ALPK3: variants seen among roughly 807,000 people sequenced by gnomAD.
ALPK3 encodes alpha-protein kinase 3.
A neutral mutation model predicts 140.0 loss-of-function variants in ALPK3; 102 were observed. The observed-to-expected ratio is 0.73, with a 90% CI of 0.62 to 0.86. The LOEUF (loss-of-function observed/expected upper bound fraction) is 0.86. Among genes scored for constraint, ALPK3 ranks in the 40% least tolerant of loss-of-function variants. The pLI is 0.00. For synonymous variants in ALPK3, 938 were observed against 898.5 expected (o/e 1.04, Z -0.79); for missense variants, 2,254 against 2,208.2 (o/e 1.02, Z -0.42).
chr15:84,840,943 G>A lies in ALPK3; in HGVS notation c.1653+11G>A. 6.5e-7 allele frequency: 1 copy of A among 1,547,876 alleles called. No individual in the cohort carries two copies. The highest frequency in any genetic ancestry group is 8.7e-7 in the Non-Finnish European group (1 of 1,149,132). On this transcript the variant is annotated intron_variant, in intron 5 of 13. Transcript: ENST00000258888. ...AGGACTCCAGGAGAGGTAAGTGTGG[G>A]TGTTGGGTGCCTGGAGGCCGCTCTG... is the stretch of plus-strand genomic sequence containing the variant.
At position 84,858,506 on chromosome 15, in the gene ALPK3, C is replaced by T; in HGVS notation, c.3768C>T (p.Gly1256=). The part of the protein sequence containing the change: ...GLDTEVALDE[G]KQETLAKPRK... ...ACACAGAGGTGGCCCTGGATGAAGG[C>T]AAGCAGGAGACACTGGCCAAGCCCA... Residue 1256 remains glycine, a synonymous_variant, in exon 6 of 14, where the codon GGC becomes GGT. Transcript: ENST00000258888. The T allele has an allele frequency of 6.3e-7, 1 of 1,585,304 alleles. No individual in the cohort carries two copies. The highest frequency in any genetic ancestry group is 8.5e-7 in the Non-Finnish European group (1 of 1,172,472).
chr15:84,857,361 C>A lies in ALPK3; in HGVS notation c.2623C>A (p.Leu875Met), dbSNP rs1236214137. 6.2e-7 allele frequency: 1 copy of A among 1,614,140 alleles called. No homozygotes were observed. The highest frequency in any genetic ancestry group is 1.1e-5 in the South Asian group (1 of 91,088). ...PTMPSLPGTG[L>M]TASPKAGPCS... The stretch of plus-strand genomic sequence containing the variant: ...GATGCCTTCTCTTCCTGGAACTGGG[C>A]TGACAGCTAGCCCAAAGGCGGGGCC... The change falls in exon 6 of 14, where the codon CTG (leucine) becomes ATG (methionine). Residue 875 changes from leucine (L) to methionine (M), a missense_variant. Coordinates refer to ENST00000258888, the MANE Select transcript of ALPK3 (RefSeq NM_020778.5).
rs1205542450 is a variant in ALPK3, at chr15:84,859,291, C to G, written c.3866C>G (p.Ser1289Cys). The G allele has an allele frequency of 3.7e-6, 6 of 1,614,168 alleles. No homozygotes were observed. The highest frequency in any genetic ancestry group is 5.1e-6 in the Non-Finnish European group (6 of 1,180,010). ...CGGGTGGAGCAGTTTCCTGATGCCT[C>G]CGGTAGCCTGAAGCTGTGGTGCCAG... is the stretch of plus-strand genomic sequence containing the variant. The part of the protein sequence containing the change: ...KIRVEQFPDA[S>C]GSLKLWCQFF... Residue 1289 changes from serine to cysteine, a missense_variant, in exon 7 of 14, where the codon TCC (serine) becomes TGC (cysteine). Ser to Cys is a moderately radical substitution (Grantham distance 112, BLOSUM62 -1). Coordinates refer to ENST00000258888, the MANE Select transcript of ALPK3 (RefSeq NM_020778.5).
chr15:84,839,024 C>T lies in ALPK3; in HGVS notation c.349C>T (p.Leu117=). The change falls in exon 4 of 14, where the codon CTG becomes TTG. Residue 117 remains leucine, a synonymous_variant. Coordinates refer to ENST00000258888, the MANE Select transcript of ALPK3 (RefSeq NM_020778.5). ...GACCTGGTACAAGGATGATACGGAG[C>T]TGGACCGCTACTGTGGCTTGCCAAA... ...EVTWYKDDTE[L]DRYCGLPKYE... 5.6e-6 allele frequency: 9 copies of T among 1,614,058 alleles called. No homozygotes were observed. The highest frequency in any genetic ancestry group is 7.6e-6 in the Non-Finnish European group (9 of 1,179,956).
intron 3 of ALPK3, among the ~76,000 whole-genome samples, chr15:84,831,995 T>C (rs1170888020): frequency 6.6e-6 from 1 of 152,240 alleles, no homozygotes; most frequent in Non-Finnish European, 1.5e-5. Context: ...TTTCATAGAA[T>C]AGTCATGCCC....
chr15:84,864,359 G>C, intron 11 of ALPK3, 83 bp from the exon 12 acceptor site: 2 of 1,398,894 alleles, frequency 1.4e-6, no homozygotes, highest in Non-Finnish European at 2.0e-6. Context: ...CCTTCTTTTA[G>C]GTCCAAGAAT....
At position 84,858,028 on chromosome 15, in the gene ALPK3, C is replaced by T. The variant is rs306197; in HGVS notation, c.3290C>T (p.Pro1097Leu). 0.75 allele frequency: 1,183,490 copies of T among 1,575,522 alleles called. 445,458 individuals are homozygous for T. The highest frequency in any genetic ancestry group is 0.87 in the African/African-American group (64,159 of 73,768). ...AGTGAGGGTGAAGGAGAGGTTTCCC[C>T]TGAGGGGCCTGGCCTCCTGGGGGCC... ...GASEGEGEVS[P>L]EGPGLLGASQ... The change falls in exon 6 of 14, where the codon CCT becomes CTT. Residue 1097 changes from proline to leucine, a missense_variant. Physicochemically the swap from Pro to Leu is moderately conservative, Grantham distance 98. Coordinates refer to ENST00000258888, the MANE Select transcript of ALPK3 (RefSeq NM_020778.5).
chr15:84,833,764 A>G (rs1963568589), intron 3 of ALPK3, among the ~76,000 whole-genome samples: 1 of 152,254 alleles, frequency 6.6e-6, no homozygotes. Context: ...GGGGTCACAG[A>G]GAAGACAGGC....
At position 84,869,509 on chromosome 15, in the gene ALPK3, G is replaced by T. The variant is rs1175328681; in HGVS notation, c.*1053G>T. ...GGGAGTACACTTGGGTGTTCTAGGA[G>T]GGATGCAGTCTATCCATGCACTTGG... On this transcript the variant is annotated 3_prime_UTR_variant, in exon 14 of 14. Transcript: ENST00000258888. 1 of 152,220 alleles carries T rather than the reference G, an allele frequency of 6.6e-6. No homozygotes were observed. Among genetic ancestry groups the T allele is most frequent in the Admixed American group, 6.5e-5 (1 of 15,288 alleles). 9.4% of individuals were successfully genotyped at this position (152,220 alleles called of 1,614,324 possible). A position where few individuals can be genotyped will look rare whatever the true frequency, so the allele number is the denominator to read the frequency against.
At position 84,839,627 on chromosome 15, in the gene ALPK3, C is replaced by A; in HGVS notation, c.423-75C>A. The A allele has an allele frequency of 2.7e-6, 4 of 1,495,330 alleles. No homozygotes were observed. The South Asian group carries it at 3.9e-5, about 15-fold the overall frequency. 92.6% of individuals were successfully genotyped at this position (1,495,330 alleles called of 1,614,324 possible). On this transcript the variant is annotated intron_variant, in intron 4 of 13. Transcript: ENST00000258888. ...AGGGGGAAGTGTGCCCGGCTCTGAA[C>A]GGCTCTGGCTGGGGGGTGTGGGGGC...
chr15:84,838,988 G>A lies in ALPK3; in HGVS notation c.313G>A (p.Glu105Lys), dbSNP rs768099555. The A allele has an allele frequency of 6.2e-7, 1 of 1,614,058 alleles. No homozygotes were observed. Among genetic ancestry groups the A allele is most frequent in the East Asian group, 2.2e-5 (1 of 44,872 alleles). ...RFTCIVTGYP[E>K]PEVTWYKDDT... is the part of the protein sequence containing the mutation. ...TCCTGCTTCTTTCTCAGGATACCCA[G>A]AGCCAGAGGTGACCTGGTACAAGGA... Residue 105 changes from glutamate to lysine, a missense_variant, in exon 4 of 14, where the codon GAG becomes AAG. Physicochemically the swap from Glu to Lys is moderately conservative, Grantham distance 56 (BLOSUM62 1). This residue lies in a region of ALPK3 where 2,088 missense variants were observed against 2,022.9 expected (regional missense o/e 1.03). Transcript: ENST00000258888.
At chr15:84,823,291 T>C (rs779491072) in intron 1 of ALPK3, 39 bp from the exon 2 acceptor site, 1 of 1,611,764 alleles carries the variant, frequency 6.2e-7, no homozygotes, top group East Asian at 2.2e-5. Context: ...TCCTTCTTGC[T>C]TTTTTGGCCT....
Position 84,862,904 on chromosome 15 carries a change from G to A in ALPK3, c.4399G>A (p.Val1467Ile), listed in dbSNP as rs538711539. Residue 1467 changes from valine (V) to isoleucine (I), a missense_variant, in exon 10 of 14, where the codon GTC (valine) becomes ATC (isoleucine). By Grantham distance (29) the Val-to-Ile change is conservative (BLOSUM62 3). Transcript: ENST00000258888. ...TTCTCTTGTGGGCAGAAACTACGAC[G>A]TCACCATCCAGGTACTATGTCCCAT... ...ETSLVGRNYD[V>I]TIQGCKIQNM... The A allele has an allele frequency of 2.4e-5, 38 of 1,613,550 alleles. No individual in the cohort carries two copies. In the South Asian group the frequency reaches 2.9e-4, roughly 12 times the overall value.
rs1963961621 is a variant in ALPK3 at position 84,862,732 on chromosome 15, G to A, written c.4227G>A (p.Glu1409=). ...AGCTCTTTGGGCGACTGGTAAGCGA[G>A]GAGCTCCGAGGGGGTGGATATGGGT... ...GDKLFGRLVS[E]ELRGGGYGCG... is the part of the protein sequence containing the mutation. The change falls in exon 10 of 14, where the codon GAG becomes GAA. Residue 1409 remains glutamate, a synonymous_variant. Coordinates refer to ENST00000258888, the MANE Select transcript of ALPK3 (RefSeq NM_020778.5). 6.2e-7 allele frequency: 1 copy of A among 1,614,190 alleles called. No individual in the cohort carries two copies.
Position 84,817,360 on chromosome 15 carries a change from G to A in ALPK3, c.-93G>A. 8.1e-7 allele frequency: 1 copy of A among 1,229,456 alleles called. No homozygotes were observed. Among genetic ancestry groups the A allele is most frequent in the Non-Finnish European group, 1.0e-6 (1 of 987,734 alleles). 76.2% of individuals were successfully genotyped at this position (1,229,456 alleles called of 1,614,324 possible). A position where few individuals can be genotyped will look rare whatever the true frequency, so the allele number is the denominator to read the frequency against. ...GGGCGCGCGTCAGCCGCGGGCGGGA[G>A]CGGCGGCGGCGGGCAGGGGCCCGGG... is the stretch of plus-strand genomic sequence containing the variant. On this transcript the variant is annotated 5_prime_UTR_variant, in exon 1 of 14. Coordinates refer to ENST00000258888, the MANE Select transcript of ALPK3 (RefSeq NM_020778.5).
chr15:84,863,423 T>G, intron 10 of ALPK3, 129 bp from the exon 11 acceptor site: 1 of 746,600 alleles, frequency 1.3e-6, no homozygotes, highest in South Asian at 1.9e-5. Context: ...GAGTAAGCCC[T>G]TCCTCCCCCA....
intron 5 of ALPK3, among the ~76,000 whole-genome samples, chr15:84,843,899 A>G (rs1457691122): frequency 6.6e-6 from 1 of 152,186 alleles, no homozygotes; most frequent in Non-Finnish European, 1.5e-5. Context: ...GTTCAAGACC[A>G]GCCTGGCCAA....
chr15:84,825,397 G>C (rs1338284574), intron 2 of ALPK3, among the ~76,000 whole-genome samples: 1 of 151,982 alleles, frequency 6.6e-6, no homozygotes, highest in Non-Finnish European at 1.5e-5. Flanking sequence ...GGCTGGTCTC[G>C]ATCTCTTGAC....
At position 84,868,419 on chromosome 15, in the gene ALPK3, C is replaced by A. The variant is rs2141576408; in HGVS notation, c.5081C>A (p.Thr1694Asn). The A allele has an allele frequency of 6.2e-7, 1 of 1,611,790 alleles. No homozygotes were observed. Among genetic ancestry groups the A allele is most frequent in the East Asian group, 2.2e-5 (1 of 44,874 alleles). Reference sequence around the variant, plus strand: ...ACTCAGTTGTTGGGACAGCCTCCCACCCAAGAGGAGGGCTCCAAGGCCCAG... The same window carrying A: ...ACTCAGTTGTTGGGACAGCCTCCCAACCAAGAGGAGGGCTCCAAGGCCCAG... Reference protein sequence around the residue: ...VTTQLLGQPPTQEEGSKAQGM... With the variant: ...VTTQLLGQPPNQEEGSKAQGM... The change falls in exon 14 of 14, where the codon ACC becomes AAC. Residue 1694 changes from threonine to asparagine, a missense_variant. Physicochemically the swap from Thr to Asn is moderately conservative, Grantham distance 65. Transcript: ENST00000258888.
Sources: allele counts gnomAD v4.1 joint callset (sites outside exome capture counted in the v4.1 genomes callset), GRCh38; gene constraint gnomAD v4.1.1; regional missense constraint gnomAD v4.1.1; transcripts MANE v1.5; gene names NCBI Gene and HGNC (gene_info 2026-07-23, HGNC 2026-07-21).